Variants in PXDNL observed in about 807,000 individuals in gnomAD.
The protein encoded by PXDNL is peroxidasin like.
PXDNL carries 145 observed loss-of-function variants against 150.8 expected under a neutral mutation model. The observed-to-expected ratio is 0.96, with a 90% CI of 0.84 to 1.10. The LOEUF (loss-of-function observed/expected upper bound fraction) is 1.10, where lower values mean the gene tolerates loss of function less well. Among genes scored for constraint, PXDNL ranks in the 50% least tolerant of loss-of-function variants. PXDNL has a pLI of 0.00. For synonymous variants in PXDNL, 757 were observed against 725.7 expected (o/e 1.04, Z -0.69); for missense variants, 2,087 against 1,873.9 (o/e 1.11, Z -2.10).
intron 1 of PXDNL, among the ~76,000 whole-genome samples, chr8:51,741,150 A>C (rs2036903037): frequency 6.6e-6 from 1 of 152,134 alleles, no homozygotes; most frequent in Non-Finnish European, 1.5e-5. Context: ...TACTGCCTCA[A>C]TTGTAGAACT....
chr8:51,770,140 TA>T (rs2037277277), intron 1 of PXDNL, among the ~76,000 whole-genome samples: 1 of 152,198 alleles, frequency 6.6e-6, no homozygotes, highest in Admixed American at 6.5e-5. Context: ...TAAATGTCCC[TA>T]AAACACCATC....
intron 17 of PXDNL, among the ~76,000 whole-genome samples, chr8:51,384,167 A>C (rs1223926422): frequency 6.6e-6 from 1 of 152,198 alleles, no homozygotes; most frequent in Non-Finnish European, 1.5e-5. Context: ...TCCTTTGGCA[A>C]AAAAGGCAAA....
chr8:51,684,458 T>C (rs1170092309), intron 1 of PXDNL, among the ~76,000 whole-genome samples: 1 of 152,210 alleles, frequency 6.6e-6, no homozygotes, highest in Non-Finnish European at 1.5e-5. Flanking sequence ...TGCATAATGA[T>C]CTAAGCCCAG....
intron 5 of PXDNL, among the ~76,000 whole-genome samples, chr8:51,492,701 A>T (rs1810925262): frequency 2.0e-5 from 3 of 152,150 alleles, no homozygotes; most frequent in Admixed American, 2.0e-4. Flanking sequence ...CAGCAGTCTC[A>T]GATCAAACTG....
chr8:51,425,918 A>G (rs1188524445), intron 13 of PXDNL, among the ~76,000 whole-genome samples: 1 of 152,220 alleles, frequency 6.6e-6, no homozygotes, highest in African/African-American at 2.4e-5. Context: ...GAGACTTGCT[A>G]CAGCACAAAA....
intron 12 of PXDNL, among the ~76,000 whole-genome samples, chr8:51,427,456 A>G (rs910764907): frequency 1.3e-5 from 2 of 152,168 alleles, no homozygotes; most frequent in African/African-American, 4.8e-5. Flanking sequence ...AAAAAAGACT[A>G]CAGTCAAATA....
intron 19 of PXDNL, among the ~76,000 whole-genome samples, chr8:51,359,011 CAGAA>C (rs1806622308): frequency 6.6e-6 from 1 of 152,168 alleles, no homozygotes; most frequent in Non-Finnish European, 1.5e-5. Context: ...CTCCACTTCT[CAGAA>C]AGCCAAGAAT....
Position 51,774,809 on chromosome 8 carries a change from C to T in PXDNL, c.164+34372G>A, listed in dbSNP as rs2037335021. On this transcript the variant is annotated intron_variant, in intron 1 of 22. Coordinates refer to ENST00000356297, the MANE Select transcript of PXDNL (RefSeq NM_144651.5). The stretch of plus-strand genomic sequence containing the variant: ...CTCCAGCCTGGGAGACAAAGGGAGA[C>T]TCCATCTCAAAAACAATAATAAAAA... 2.0e-5 allele frequency among the ~76,000 whole-genome samples: 3 copies of T among 152,188 alleles called. No homozygotes were observed. The South Asian group carries it at 6.2e-4, about 32-fold the overall frequency.
chr8:51,719,195 T>C (rs1203290791), intron 1 of PXDNL, among the ~76,000 whole-genome samples: 7 of 152,136 alleles, frequency 4.6e-5, no homozygotes, highest in Non-Finnish European at 1.0e-4. Context: ...TTTTGTCGAA[T>C]AGAAAAGGGG....
At position 51,409,082 on chromosome 8, in the gene PXDNL, G is replaced by C. The variant is rs200513898; in HGVS notation, c.2542C>G (p.Arg848Gly). 1.2e-6 allele frequency: 2 copies of C among 1,609,370 alleles called. No homozygotes were observed. Among genetic ancestry groups the C allele is most frequent in the Admixed American group, 1.7e-5 (1 of 59,938 alleles). The part of the protein sequence containing the change: ...NDPPCFPMNT[R>G]HADPRGTHAP... Reference sequence around the variant, plus strand: ...TGGGTGCCCCGGGGGTCGGCGTGCCGGGTGTTCATGGGGAAACAAGGAGGG... The same window carrying C: ...TGGGTGCCCCGGGGGTCGGCGTGCCCGGTGTTCATGGGGAAACAAGGAGGG... Residue 848 changes from arginine to glycine, a missense_variant, in exon 17 of 23, where the codon CGG becomes GGG. Transcript: ENST00000356297.
chr8:51,516,655 G>C (rs1811547944), intron 4 of PXDNL, among the ~76,000 whole-genome samples: 1 of 152,150 alleles, frequency 6.6e-6, no homozygotes, highest in Non-Finnish European at 1.5e-5. Context: ...AATGAGATGA[G>C]ACATACAAAG....
intron 5 of PXDNL, among the ~76,000 whole-genome samples, chr8:51,494,727 T>C (rs1279490512): frequency 1.3e-5 from 2 of 152,010 alleles, no homozygotes; most frequent in Non-Finnish European, 2.9e-5. Flanking sequence ...CAAGAAGAGC[T>C]AACTCTCCTA....
At chr8:51,550,125 A>G (rs1039573044) in intron 4 of PXDNL, among the ~76,000 whole-genome samples, 2 of 152,174 alleles carry the variant, frequency 1.3e-5, no homozygotes, top group Non-Finnish European at 2.9e-5. Flanking sequence ...CTCCTAGATT[A>G]AACCTGGAAG....
chr8:51,385,801 T>C (rs1444875778), intron 17 of PXDNL, among the ~76,000 whole-genome samples: 4 of 152,164 alleles, frequency 2.6e-5, no homozygotes, highest in Non-Finnish European at 5.9e-5. Context: ...CAAGAGCTAA[T>C]GGTTTTATAA....
intron 1 of PXDNL, among the ~76,000 whole-genome samples, chr8:51,704,603 G>C (rs1051321350): frequency 1.3e-5 from 2 of 152,190 alleles, no homozygotes; most frequent in African/African-American, 2.4e-5. Flanking sequence ...CATCAGCAGT[G>C]TATAACACTT....
intron 1 of PXDNL, among the ~76,000 whole-genome samples, chr8:51,793,312 C>T (rs990056635): frequency 6.6e-6 from 1 of 152,130 alleles, no homozygotes; most frequent in African/African-American, 2.4e-5. Flanking sequence ...AAAAAGCCCC[C>T]ACAAAAACTC....
At chr8:51,595,210 C>T (rs1231208512) in intron 2 of PXDNL, among the ~76,000 whole-genome samples, 1 of 152,008 alleles carries the variant, frequency 6.6e-6, no homozygotes, top group African/African-American at 2.4e-5. Context: ...CTGTTTTTTG[C>T]TGAAACACAA....
At chr8:51,401,209 C>T (rs567487956) in intron 17 of PXDNL, among the ~76,000 whole-genome samples, 1 of 152,204 alleles carries the variant, frequency 6.6e-6, no homozygotes, top group African/African-American at 2.4e-5. Context: ...TAGAGTCAAA[C>T]AACAGGACTT....
At chr8:51,503,631 A>G (rs1351452485) in intron 4 of PXDNL, among the ~76,000 whole-genome samples, 1 of 152,180 alleles carries the variant, frequency 6.6e-6, no homozygotes, top group Non-Finnish European at 1.5e-5. Context: ...GATAAATATG[A>G]ATGATTACTT....
Sources: allele counts gnomAD v4.1 joint callset (sites outside exome capture counted in the v4.1 genomes callset), GRCh38; gene constraint gnomAD v4.1.1; transcripts MANE v1.5; gene names NCBI Gene and HGNC (gene_info 2026-07-23, HGNC 2026-07-21).